ST8SIA2: variants seen among roughly 807,000 people sequenced by gnomAD.
ST8SIA2 encodes alpha-2,8-sialyltransferase 8B.
Under a neutral mutation model 37.6 loss-of-function variants are expected in ST8SIA2, and 22 were observed. That is an observed-to-expected ratio of 0.58 (90% CI 0.42 to 0.83). ST8SIA2 has a LOEUF of 0.83. ST8SIA2 is among the 40% of genes least tolerant of loss of function. The pLI is 0.00. For synonymous variants in ST8SIA2, 205 were observed against 201.2 expected, an observed-to-expected ratio of 1.02 and a Z score of -0.16; for missense variants, 382 against 484.7, an observed-to-expected ratio of 0.79 and a Z score of 1.99.
chr15:92,431,605 T>C (rs1258598769), intron 2 of ST8SIA2, among the ~76,000 whole-genome samples: 1 of 152,154 alleles, frequency 6.6e-6, no homozygotes, highest in Non-Finnish European at 1.5e-5. Context: ...ACCTCTAGTG[T>C]CATTTTGGAA....
At chr15:92,422,915 T>C (rs1009342515) in intron 1 of ST8SIA2, among the ~76,000 whole-genome samples, 11 of 152,218 alleles carry the variant, frequency 7.2e-5, no homozygotes, top group African/African-American at 2.4e-4. Context: ...CTTTCCTTGC[T>C]CATCTCTGTG....
At chr15:92,421,846 C>T (rs944552530) in intron 1 of ST8SIA2, among the ~76,000 whole-genome samples, 3 of 152,204 alleles carry the variant, frequency 2.0e-5, no homozygotes, top group Non-Finnish European at 4.4e-5. Flanking sequence ...ACGAGGCTAC[C>T]TTTCCGTCAT....
At chr15:92,394,426 G>A (rs1052798415) in intron 1 of ST8SIA2, among the ~76,000 whole-genome samples, 1 of 152,062 alleles carries the variant, frequency 6.6e-6, no homozygotes, top group Non-Finnish European at 1.5e-5. Flanking sequence ...AAGCGGACTC[G>A]CCCACCCTGC....
chr15:92,403,221 C>A (rs966933200), intron 1 of ST8SIA2, among the ~76,000 whole-genome samples: 2 of 152,156 alleles, frequency 1.3e-5, no homozygotes. Context: ...TAAGGTCACA[C>A]AGCTAGTAAA....
chr15:92,409,594 T>C (rs1305112155), intron 1 of ST8SIA2, among the ~76,000 whole-genome samples: 1 of 152,212 alleles, frequency 6.6e-6, no homozygotes, highest in Non-Finnish European at 1.5e-5. Context: ...CATTTCTGTA[T>C]AGCGAGTGCA....
chr15:92,424,076 C>G (rs1567215254), intron 1 of ST8SIA2, among the ~76,000 whole-genome samples: 1 of 152,214 alleles, frequency 6.6e-6, no homozygotes, highest in Non-Finnish European at 1.5e-5. Flanking sequence ...ATTCATTAGT[C>G]TCCCAAAAAT....
chr15:92,439,663 GAAA>G (rs2049786841), intron 4 of ST8SIA2, among the ~76,000 whole-genome samples: 1 of 152,216 alleles, frequency 6.6e-6, no homozygotes, highest in Non-Finnish European at 1.5e-5. Flanking sequence ...CTCTGGGATT[GAAA>G]CGCTACCACA....
At chr15:92,416,497 A>G (rs1596233879) in intron 1 of ST8SIA2, among the ~76,000 whole-genome samples, 1 of 152,312 alleles carries the variant, frequency 6.6e-6, no homozygotes, top group South Asian at 2.1e-4. Flanking sequence ...CACCAACCCC[A>G]GCATCCTGAG....
In ST8SIA2 at chr15:92,464,355, G is replaced by C; in HGVS notation, c.1098G>C (p.Leu366=). The C allele has an allele frequency of 6.2e-7, 1 of 1,613,972 alleles. No homozygotes were observed. Among genetic ancestry groups the C allele is most frequent in the South Asian group, 1.1e-5 (1 of 91,066 alleles). The change falls in exon 6 of 6, where the codon CTG becomes CTC. Residue 366 remains leucine, a synonymous_variant. Transcript: ENST00000268164. Reference sequence around the variant, plus strand: ...TACATGAGCAGGGGGCTTTGAAACTGACTGTCGGCCAGTGCGATGGGGCCA... The same window carrying C: ...TACATGAGCAGGGGGCTTTGAAACTCACTGTCGGCCAGTGCGATGGGGCCA... ...KSLHEQGALK[L]TVGQCDGAT
intron 5 of ST8SIA2, among the ~76,000 whole-genome samples, chr15:92,456,245 G>T (rs1019510132): frequency 2.6e-5 from 4 of 152,242 alleles, no homozygotes; most frequent in Admixed American, 6.5e-5. Context: ...GTCTAGGATG[G>T]TGTGAGCCTG....
In ST8SIA2 at chr15:92,434,231, T is replaced by C. The variant is rs1218311092; in HGVS notation, c.162-16T>C. ...ACACATCATGTCTACCCTCTTTCTT[T>C]TTTTTTCCCTTCCAGAGCTGAAGTT... On this transcript the variant is annotated splice_polypyrimidine_tract_variant and intron_variant, in intron 2 of 5. Coordinates refer to ENST00000268164, the MANE Select transcript of ST8SIA2 (RefSeq NM_006011.4). The C allele has an allele frequency of 1.2e-6, 2 of 1,614,010 alleles. No homozygotes were observed. Among genetic ancestry groups the C allele is most frequent in the Non-Finnish European group, 1.7e-6 (2 of 1,180,020 alleles).
intron 1 of ST8SIA2, among the ~76,000 whole-genome samples, chr15:92,400,504 G>A (rs182681908): frequency 1.2e-4 from 18 of 152,282 alleles, no homozygotes; most frequent in East Asian, 7.7e-4. Flanking sequence ...TGTATCTAGC[G>A]TGGAGGGTGC....
At chr15:92,445,846 C>T (rs2049838454) in intron 5 of ST8SIA2, among the ~76,000 whole-genome samples, 1 of 152,188 alleles carries the variant, frequency 6.6e-6, no homozygotes, top group African/African-American at 2.4e-5. Flanking sequence ...ACAGCCCCAG[C>T]CAAACAAGTA....
chr15:92,436,399 C>T (rs1441914069), intron 3 of ST8SIA2, among the ~76,000 whole-genome samples: 1 of 152,154 alleles, frequency 6.6e-6, no homozygotes, highest in Non-Finnish European at 1.5e-5. Flanking sequence ...CAAACACAGT[C>T]CCTTCAGCAG....
intron 1 of ST8SIA2, among the ~76,000 whole-genome samples, chr15:92,423,986 C>T (rs2049655801): frequency 6.6e-6 from 1 of 152,184 alleles, no homozygotes; most frequent in South Asian, 2.1e-4. Flanking sequence ...TTTCTCCTGT[C>T]CATGTGTCCT....
chr15:92,420,796 A>C (rs2049627675), intron 1 of ST8SIA2: 1 of 152,164 alleles, frequency 6.6e-6, no homozygotes, highest in Admixed American at 6.5e-5. Context: ...CAACACTATC[A>C]AGGCTGAAAC....
intron 1 of ST8SIA2, among the ~76,000 whole-genome samples, chr15:92,404,834 CAAA>C (rs34778008): frequency 9.0e-6 from 1 of 111,318 alleles, no homozygotes. Flanking sequence ...GACTCCATCT[CAAA>C]AAAAAAAAAA....
At chr15:92,456,168 G>A (rs948730987) in intron 5 of ST8SIA2, among the ~76,000 whole-genome samples, 17 of 152,344 alleles carry the variant, frequency 1.1e-4, no homozygotes, top group African/African-American at 9.6e-5. Flanking sequence ...CACTCCTGGC[G>A]GGGCCCGCCA....
At chr15:92,438,256 A>C (rs2049773871) in intron 3 of ST8SIA2, 97 bp from the exon 4 acceptor site, 2 of 1,564,350 alleles carry the variant, frequency 1.3e-6, no homozygotes, top group South Asian at 1.1e-5. Flanking sequence ...GCTGGGCTGC[A>C]GCCACCGTGC....
Sources: gnomAD v4.1 joint callset for allele counts (sites outside exome capture counted in the v4.1 genomes callset) on GRCh38, gnomAD v4.1.1 for gene constraint, MANE v1.5 for transcripts, NCBI Gene and HGNC (gene_info 2026-07-23, HGNC 2026-07-21) for gene names.